The following UPK1B variants were observed in gnomAD, a reference collection of about 807,000 sequenced individuals.
The protein encoded by UPK1B is uroplakin 1B, also known as uroplakin-1b.
Under a neutral mutation model 34.2 loss-of-function variants are expected in UPK1B, and 28 were observed. The ratio of observed to expected loss-of-function variants is 0.82; its 90% CI spans 0.61 to 1.12. UPK1B has a LOEUF of 1.12. Among genes scored for constraint, UPK1B ranks in the 50% most tolerant of loss-of-function variants. UPK1B has a pLI of 0.00. For missense variants in UPK1B, 325 were observed against 320.9 expected, an observed-to-expected ratio of 1.01 and a Z score of -0.10; for synonymous variants, 81 against 110.4, an observed-to-expected ratio of 0.73 and a Z score of 1.67.
chr3:119,182,095 T>C (rs2077992393), intron 1 of UPK1B, among the ~76,000 whole-genome samples: 1 of 152,258 alleles, frequency 6.6e-6, no homozygotes, highest in Admixed American at 6.5e-5. Context: ...CCCTCCCATG[T>C]GGATGTGCAG....
chr3:119,203,340 C>CAAAAAAAAAAA (rs55752613), intron 7 of UPK1B, among the ~76,000 whole-genome samples: 1 of 62,024 alleles, frequency 1.6e-5, no homozygotes, highest in Admixed American at 2.2e-4. Context: ...AACTCCGTCT[C>CAAAAAAAAAAA]AAAAAAAAAA....
In UPK1B at chr3:119,193,489, C is replaced by G. The variant is rs561070992; in HGVS notation, c.469-730C>G. On this transcript the variant is annotated intron_variant, in intron 5 of 7. Coordinates refer to ENST00000264234, the MANE Select transcript of UPK1B (RefSeq NM_006952.4). ...AGCTATATGAATTGTGTTTTGTCCT[C>G]TATTCTCAATTCTATCCAGAGTGTA... Among the ~76,000 whole-genome samples the G allele has an allele frequency of 1.2e-4, 18 of 152,284 alleles. No individual in the cohort carries two copies. The South Asian group carries it at 3.7e-3, about 32-fold the overall frequency.
chr3:119,205,062 T>C lies in UPK1B; in HGVS notation c.*1095T>C, dbSNP rs951923294. 2.0e-5 allele frequency: 3 copies of C among 152,226 alleles called. No individual in the cohort carries two copies. The highest frequency in any genetic ancestry group is 4.4e-5 in the Non-Finnish European group (3 of 68,042). The allele number at this position is 152,226 out of a possible 1,614,324, so 9.4% of individuals were successfully genotyped here. On this transcript the variant is annotated 3_prime_UTR_variant, in exon 8 of 8. Transcript: ENST00000264234. ...GTCAAAATATTTCTCATCTGCACTA[T>C]GTTTCCATTTGTGGTCCTGAAGGAA...
At chr3:119,203,886 G>T (rs1414254042) in intron 7 of UPK1B, 31 bp from the exon 8 acceptor site, 25 of 1,608,714 alleles carry the variant, frequency 1.6e-5, no homozygotes, top group Non-Finnish European at 2.1e-5. Flanking sequence ...ACAATCCCTT[G>T]TTTATTTTTC....
At chr3:119,183,770 T>C (rs1362687512) in intron 1 of UPK1B, among the ~76,000 whole-genome samples, 1 of 152,202 alleles carries the variant, frequency 6.6e-6, no homozygotes, top group Non-Finnish European at 1.5e-5. Flanking sequence ...AACCCATCTC[T>C]CAGGTCTGTT....
intron 6 of UPK1B, among the ~76,000 whole-genome samples, chr3:119,198,150 G>A (rs2078075137): frequency 8.6e-6 from 1 of 116,414 alleles, no homozygotes; most frequent in Admixed American, 1.3e-4. Context: ...ATAAAAATAT[G>A]CATACAAAAT....
intron 3 of UPK1B, among the ~76,000 whole-genome samples, 200 bp from the exon 4 acceptor site, chr3:119,190,041 ATTTG>A (rs1288682425): frequency 1.3e-5 from 2 of 152,220 alleles, no homozygotes; most frequent in African/African-American, 4.8e-5. Context: ...TTCAATGGCT[ATTTG>A]TTCTCTGGAG....
chr3:119,178,454 G>A (rs1419900804), intron 1 of UPK1B, among the ~76,000 whole-genome samples: 4 of 152,180 alleles, frequency 2.6e-5, no homozygotes, highest in Non-Finnish European at 5.9e-5. Flanking sequence ...GTTCTAAGCA[G>A]GGGGGAGATA....
At chr3:119,181,478 C>A (rs1267180821) in intron 1 of UPK1B, among the ~76,000 whole-genome samples, 2 of 151,864 alleles carry the variant, frequency 1.3e-5, no homozygotes, top group African/African-American at 4.8e-5. Context: ...TCATAGTAAC[C>A]CTTGAAGTTA....
chr3:119,188,045 G>A, intron 3 of UPK1B, 70 bp downstream of exon 3: 1 of 1,530,820 alleles, frequency 6.5e-7, no homozygotes, highest in Non-Finnish European at 9.0e-7. Context: ...TCTTCACTGA[G>A]CAATGCTTTG....
intron 4 of UPK1B, among the ~76,000 whole-genome samples, chr3:119,190,778 T>C (rs529354399): frequency 1.3e-5 from 2 of 152,332 alleles, no homozygotes; most frequent in Admixed American, 6.5e-5. Flanking sequence ...CCTGGCCTCA[T>C]AGTGATTTCT....
At chr3:119,202,257 C>T (rs561224028) in intron 7 of UPK1B, among the ~76,000 whole-genome samples, 46 of 152,288 alleles carry the variant, frequency 3.0e-4, no homozygotes, top group Middle Eastern at 3.4e-3. Flanking sequence ...CTTAAGCATG[C>T]CCATTTCACT....
At chr3:119,186,114 G>A (rs530843249) in intron 1 of UPK1B, among the ~76,000 whole-genome samples, 55 of 152,274 alleles carry the variant, frequency 3.6e-4, no homozygotes, top group South Asian at 1.5e-3. Flanking sequence ...AATTAGATGC[G>A]TGCATGCAAA....
At chr3:119,201,629 C>A (rs2078091057) in intron 7 of UPK1B, among the ~76,000 whole-genome samples, 1 of 152,106 alleles carries the variant, frequency 6.6e-6, no homozygotes, top group Non-Finnish European at 1.5e-5. Flanking sequence ...ACAGCTAAAC[C>A]ATATCACTAT....
chr3:119,203,824 A>C, intron 7 of UPK1B, 93 bp from the exon 8 acceptor site: 1 of 1,324,080 alleles, frequency 7.6e-7, no homozygotes, highest in Non-Finnish European at 1.1e-6. Context: ...GTTGTCACCT[A>C]AGCCTGAATG....
chr3:119,192,394 ACT>A (rs1576870456), intron 5 of UPK1B, among the ~76,000 whole-genome samples: 2 of 152,100 alleles, frequency 1.3e-5, no homozygotes, highest in East Asian at 3.9e-4. Flanking sequence ...CTTCGTTTAT[ACT>A]CTAAGAGCTA....
At chr3:119,178,238 G>T (rs2107570545) in intron 1 of UPK1B, among the ~76,000 whole-genome samples, 1 of 152,296 alleles carries the variant, frequency 6.6e-6, no homozygotes, top group African/African-American at 2.4e-5. Flanking sequence ...TAATAGTTGG[G>T]TCTGGCCAAA....
At chr3:119,197,805 A>G (rs1486180020) in intron 6 of UPK1B, among the ~76,000 whole-genome samples, 2 of 152,216 alleles carry the variant, frequency 1.3e-5, no homozygotes, top group Non-Finnish European at 2.9e-5. Flanking sequence ...CAGGGTGAGT[A>G]TATAGAGTAG....
At chr3:119,179,527 T>TTTTTTTTTTTA (rs1553741698) in intron 1 of UPK1B, among the ~76,000 whole-genome samples, 2 of 131,568 alleles carry the variant, frequency 1.5e-5, no homozygotes, top group African/African-American at 5.6e-5. Flanking sequence ...TTTTTTTTTT[T>TTTTTTTTTTTA]GAGACGGAGT....
Sources: allele counts gnomAD v4.1 joint callset (sites outside exome capture counted in the v4.1 genomes callset), GRCh38; gene constraint gnomAD v4.1.1; transcripts MANE v1.5; gene names NCBI Gene and HGNC (gene_info 2026-07-23, HGNC 2026-07-21).